The following CNTN3 variants were observed in gnomAD, a reference collection of about 807,000 sequenced individuals.
CNTN3 encodes contactin 3, also known as contactin-3.
Under a neutral mutation model 119.1 loss-of-function variants are expected in CNTN3, and 60 were observed. The ratio of observed to expected loss-of-function variants is 0.50; its 90% CI spans 0.41 to 0.62. The LOEUF is 0.62. CNTN3 is among the 20% of genes least tolerant of loss of function. The pLI is 0.00. For missense variants in CNTN3, 1,101 were observed against 1,242.4 expected (o/e 0.89, Z 1.71); for synonymous variants, 450 against 438.7 (o/e 1.03, Z -0.32).
intron 13 of CNTN3, among the ~76,000 whole-genome samples, chr3:74,307,822 G>A (rs1487358526): frequency 6.6e-6 from 1 of 152,044 alleles, no homozygotes; most frequent in Non-Finnish European, 1.5e-5. Context: ...TAATGAATTC[G>A]CTAGTAAGCA....
intron 5 of CNTN3, among the ~76,000 whole-genome samples, chr3:74,398,581 C>T (rs1705112850): frequency 6.6e-6 from 1 of 152,090 alleles, no homozygotes; most frequent in Non-Finnish European, 1.5e-5. Flanking sequence ...GGTCCCAGAC[C>T]ACAATATATC....
intron 1 of CNTN3, among the ~76,000 whole-genome samples, chr3:74,601,450 C>A (rs890046702): frequency 7.2e-5 from 11 of 152,086 alleles, no homozygotes; most frequent in Non-Finnish European, 1.3e-4. Context: ...TATTTCCCAC[C>A]TCTGTGTGTT....
chr3:74,371,874 T>C (rs116353709), intron 5 of CNTN3, among the ~76,000 whole-genome samples: 2,071 of 152,186 alleles, frequency 0.014, 39 homozygotes, highest in African/African-American at 0.047. Flanking sequence ...CCCCATGCTC[T>C]CTTTTGTCCC....
At chr3:74,391,410 TTA>T (rs780336027) in intron 5 of CNTN3, among the ~76,000 whole-genome samples, 1 of 152,130 alleles carries the variant, frequency 6.6e-6, no homozygotes, top group Non-Finnish European at 1.5e-5. Context: ...CATTCTGAGC[TTA>T]TGTTCCCAAC....
At chr3:74,492,318 G>T (rs1165836006) in intron 3 of CNTN3, among the ~76,000 whole-genome samples, 1 of 152,084 alleles carries the variant, frequency 6.6e-6, no homozygotes, top group East Asian at 1.9e-4. Flanking sequence ...AAATATTTGG[G>T]GTACTGGAAT....
At chr3:74,444,253 T>C (rs1027709004) in intron 4 of CNTN3, among the ~76,000 whole-genome samples, 9 of 151,876 alleles carry the variant, frequency 5.9e-5, no homozygotes, top group East Asian at 1.9e-4. Flanking sequence ...TTCTGAGGCA[T>C]TGGGGGAGGA....
chr3:74,610,863 C>T (rs1333432805), intron 1 of CNTN3, among the ~76,000 whole-genome samples: 1 of 152,064 alleles, frequency 6.6e-6, no homozygotes, highest in Non-Finnish European at 1.5e-5. Flanking sequence ...TGTACTAGTT[C>T]CCCAAAATAA....
chr3:74,506,180 T>C (rs1703256012), intron 2 of CNTN3, among the ~76,000 whole-genome samples: 1 of 152,182 alleles, frequency 6.6e-6, no homozygotes, highest in Non-Finnish European at 1.5e-5. Flanking sequence ...GTTAAGTATC[T>C]TGATTTTGGC....
At chr3:74,395,886 T>C (rs559517619) in intron 5 of CNTN3, among the ~76,000 whole-genome samples, 23 of 152,322 alleles carry the variant, frequency 1.5e-4, no homozygotes, top group African/African-American at 5.1e-4. Context: ...TTCTTGCATA[T>C]TTAAAACGTT....
At chr3:74,451,604 A>G (rs1254586855) in intron 4 of CNTN3, among the ~76,000 whole-genome samples, 1 of 152,156 alleles carries the variant, frequency 6.6e-6, no homozygotes, top group Non-Finnish European at 1.5e-5. Context: ...CTATGTCCTG[A>G]ATGGTAACGC....
At chr3:74,592,413 G>A (rs1322410312) in intron 1 of CNTN3, among the ~76,000 whole-genome samples, 1 of 151,546 alleles carries the variant, frequency 6.6e-6, no homozygotes, top group Non-Finnish European at 1.5e-5. Context: ...TCAGACTCAA[G>A]AATTGTTAAA....
At chr3:74,418,173 C>A (rs909710642) in intron 5 of CNTN3, among the ~76,000 whole-genome samples, 2 of 151,866 alleles carry the variant, frequency 1.3e-5, no homozygotes, top group Middle Eastern at 3.2e-3. Context: ...GTGATGGGAG[C>A]CAGAAAGCAT....
At chr3:74,269,977 T>G (rs1701739114) in intron 20 of CNTN3, among the ~76,000 whole-genome samples, 2 of 152,198 alleles carry the variant, frequency 1.3e-5, no homozygotes, top group Non-Finnish European at 2.9e-5. Context: ...GAACTGTATG[T>G]TTTTAAATGT....
intron 11 of CNTN3, among the ~76,000 whole-genome samples, chr3:74,359,104 T>G (rs999403330): frequency 2.3e-4 from 35 of 152,108 alleles, no homozygotes; most frequent in African/African-American, 8.2e-4. Context: ...ACAGTGGTTT[T>G]GGTTCATGAG....
intron 1 of CNTN3, among the ~76,000 whole-genome samples, chr3:74,524,295 AG>A (rs1703584558): frequency 6.6e-6 from 1 of 151,854 alleles, no homozygotes; most frequent in Admixed American, 6.6e-5. Context: ...ACAATTCTAG[AG>A]GGAGGTGGAG....
intron 1 of CNTN3, among the ~76,000 whole-genome samples, chr3:74,596,672 TTTC>T (rs1704816829): frequency 1.3e-5 from 2 of 151,890 alleles, no homozygotes; most frequent in Admixed American, 1.3e-4. Context: ...CAAAACTGTA[TTTC>T]TTATTTCAAA....
intron 21 of CNTN3, among the ~76,000 whole-genome samples, chr3:74,266,968 A>G (rs1701673496): frequency 6.6e-6 from 1 of 152,112 alleles, no homozygotes; most frequent in Admixed American, 6.6e-5. Context: ...AATCAGAGCC[A>G]ATAGTTTTAT....
intron 13 of CNTN3, among the ~76,000 whole-genome samples, chr3:74,324,767 G>A (rs1703088067): frequency 6.6e-6 from 1 of 151,970 alleles, no homozygotes; most frequent in Admixed American, 6.6e-5. Flanking sequence ...AAAGAAGAAG[G>A]TAGACTTGTT....
intron 4 of CNTN3, among the ~76,000 whole-genome samples, chr3:74,470,605 C>T (rs952823739): frequency 2.6e-5 from 4 of 152,038 alleles, no homozygotes; most frequent in East Asian, 1.9e-4. Flanking sequence ...GAGTATGGCC[C>T]GGGCAAACAT....
Sources: allele counts gnomAD v4.1 joint callset (sites outside exome capture counted in the v4.1 genomes callset), GRCh38; gene constraint gnomAD v4.1.1; transcripts MANE v1.5; gene names NCBI Gene and HGNC (gene_info 2026-07-23, HGNC 2026-07-21).